TMEM217: variants seen among roughly 807,000 people sequenced by gnomAD.
TMEM217 encodes transmembrane protein 217.
For synonymous variants in TMEM217, 76 were observed against 88.3 expected, an observed-to-expected ratio of 0.86 and a Z score of 0.78; for missense variants, 204 against 248.8, an observed-to-expected ratio of 0.82 and a Z score of 1.21.
chr6:37,241,531 G>T (rs1764769108), intron 1 of TMEM217, among the ~76,000 whole-genome samples: 1 of 152,100 alleles, frequency 6.6e-6, no homozygotes, highest in Non-Finnish European at 1.5e-5. Flanking sequence ...GTGCTGGCAG[G>T]ATCCAAGGTC....
downstream of TMEM217, among the ~76,000 whole-genome samples, chr6:37,217,337 A>G (rs1490535954): frequency 6.6e-6 from 1 of 152,226 alleles, no homozygotes; most frequent in African/African-American, 2.4e-5. Context: ...ACCTGAATGC[A>G]AAGTGATGTC....
intron 1 of TMEM217, among the ~76,000 whole-genome samples, chr6:37,230,819 G>A (rs1764161584): frequency 6.6e-6 from 1 of 151,954 alleles, no homozygotes; most frequent in Non-Finnish European, 1.5e-5. Context: ...CTTTGGACCT[G>A]GGTAAATTGC....
At chr6:37,246,663 G>A (rs1242162511) in intron 1 of TMEM217, among the ~76,000 whole-genome samples, 2 of 152,166 alleles carry the variant, frequency 1.3e-5, no homozygotes, top group African/African-American at 2.4e-5. Flanking sequence ...GGCACTTTGG[G>A]AGGCTGAGGC....
intron 1 of TMEM217, among the ~76,000 whole-genome samples, chr6:37,242,432 C>G (rs1014924093): frequency 6.6e-6 from 1 of 152,198 alleles, no homozygotes; most frequent in Non-Finnish European, 1.5e-5. Context: ...CTTTTCTTTG[C>G]CTTTAAGAGC....
At chr6:37,238,446 T>C (rs1164242008) in intron 1 of TMEM217, among the ~76,000 whole-genome samples, 1 of 152,188 alleles carries the variant, frequency 6.6e-6, no homozygotes, top group Non-Finnish European at 1.5e-5. Flanking sequence ...CTACCAGAAG[T>C]CTGCTTTCTC....
intron 1 of TMEM217, among the ~76,000 whole-genome samples, chr6:37,224,137 C>T (rs1291460390): frequency 6.7e-6 from 1 of 149,976 alleles, no homozygotes; most frequent in Non-Finnish European, 1.5e-5. Flanking sequence ...CAGAGTTTTA[C>T]CATGTTGGCC....
At chr6:37,244,298 C>T (rs1311173861) in intron 1 of TMEM217, among the ~76,000 whole-genome samples, 4 of 152,250 alleles carry the variant, frequency 2.6e-5, no homozygotes, top group African/African-American at 9.6e-5. Context: ...TCAGATTTCT[C>T]TTACTGTCGT....
At chr6:37,231,226 A>ATTTTTTTTT (rs35394043) in intron 1 of TMEM217, among the ~76,000 whole-genome samples, 1 of 87,446 alleles carries the variant, frequency 1.1e-5, no homozygotes, top group Non-Finnish European at 2.2e-5. Flanking sequence ...TGCCTGGCTA[A>ATTTTTTTTT]TTTTTTTTTT....
At chr6:37,214,139 A>G (rs550801316), downstream of TMEM217, among the ~76,000 whole-genome samples, 16 of 152,218 alleles carry the variant, frequency 1.1e-4, no homozygotes, top group Non-Finnish European at 2.4e-4. Context: ...TCACCACTTT[A>G]GCCCTTTTTG....
intron 1 of TMEM217, among the ~76,000 whole-genome samples, chr6:37,245,257 G>A (rs1296264032): frequency 6.6e-6 from 1 of 152,158 alleles, no homozygotes; most frequent in Admixed American, 6.5e-5. Flanking sequence ...CACAGAGCTG[G>A]GTCACTGAAG....
rs1583479170 is a variant in TMEM217 at position 37,243,105 on chromosome 6, C to T, written c.-12+14463G>A. The stretch of plus-strand genomic sequence containing the variant: ...TGTGAACACAGTTGCCCTGCCCCTA[C>T]AAAAAAAAGAGCCCCCTTAAAAAAG... On this transcript the variant is annotated intron_variant, in intron 1 of 1. Transcript: ENST00000357219. 5.3e-5 allele frequency among the ~76,000 whole-genome samples: 8 copies of T among 151,420 alleles called. No individual in the cohort carries two copies. The South Asian group carries it at 1.3e-3, about 24-fold the overall frequency.
chr6:37,252,599 G>A (rs12183959), intron 1 of TMEM217, among the ~76,000 whole-genome samples: 1 of 45,402 alleles, frequency 2.2e-5, no homozygotes, highest in African/African-American at 1.5e-4. Context: ...ATGTGTGTGT[G>A]TGTGTGTGTA....
At chr6:37,233,156 C>A (rs1370638027) in intron 1 of TMEM217, among the ~76,000 whole-genome samples, 2 of 152,108 alleles carry the variant, frequency 1.3e-5, no homozygotes, top group South Asian at 2.1e-4. Flanking sequence ...CTCCCACCCC[C>A]ACCTACTGTT....
At chr6:37,226,655 A>G (rs1283436321) in intron 1 of TMEM217, among the ~76,000 whole-genome samples, 1 of 150,818 alleles carries the variant, frequency 6.6e-6, no homozygotes, top group African/African-American at 2.4e-5. Flanking sequence ...CTCGCCTCCC[A>G]GGTTAAAGCG....
chr6:37,217,248 C>T (rs968130576), downstream of TMEM217, among the ~76,000 whole-genome samples: 2 of 152,142 alleles, frequency 1.3e-5, no homozygotes, highest in African/African-American at 2.4e-5. Flanking sequence ...GAGCCGAGGT[C>T]GCACCATTGC....
At chr6:37,251,351 G>T (rs1208848012) in intron 1 of TMEM217, among the ~76,000 whole-genome samples, 3 of 133,382 alleles carry the variant, frequency 2.2e-5, no homozygotes, top group Non-Finnish European at 5.0e-5. Flanking sequence ...GACTAAGACA[G>T]TTGAGAAACT....
chr6:37,229,807 AAACT>A (rs1341129142), intron 1 of TMEM217, among the ~76,000 whole-genome samples: 13 of 152,186 alleles, frequency 8.5e-5, no homozygotes, highest in Admixed American at 2.6e-4. Flanking sequence ...AAATTACCAC[AAACT>A]GAGTGGTTAC....
At position 37,227,510 on chromosome 6, in the gene TMEM217, G is replaced by A. The variant is rs1277264258; in HGVS notation, c.-11-8469C>T. On this transcript the variant is annotated intron_variant, in intron 1 of 1. Transcript: ENST00000357219. ...CACCCAGGCTGGAGTGTAGTGGCGC[G>A]ATCTTGGCTCACTGCAACCTCCATC... Among the ~76,000 whole-genome samples the A allele has an allele frequency of 3.3e-5, 5 of 152,170 alleles. No homozygotes were observed. The South Asian group carries it at 6.2e-4, about 19-fold the overall frequency.
At position 37,247,480 on chromosome 6, in the gene TMEM217, C is replaced by T. The variant is rs113834237; in HGVS notation, c.-12+10088G>A. 4.3e-3 allele frequency among the ~76,000 whole-genome samples: 651 copies of T among 151,598 alleles called. 1 individual carries two copies. The highest frequency in any genetic ancestry group is 7.3e-3 in the Admixed American group (111 of 15,216). ...TCAGCTCACTGCAACCTCTGCCTCCCGGGTTAAAGCAATTCTACTGCCTCA... is the reference window on the plus strand; with the variant it reads ...TCAGCTCACTGCAACCTCTGCCTCCTGGGTTAAAGCAATTCTACTGCCTCA... On this transcript the variant is annotated intron_variant, in intron 1 of 1. Coordinates refer to ENST00000357219, the Ensembl canonical transcript of TMEM217.
Sources: gnomAD v4.1 joint callset for allele counts (sites outside exome capture counted in the v4.1 genomes callset) on GRCh38, gnomAD v4.1.1 for gene constraint, MANE v1.5 for transcripts, NCBI Gene and HGNC (gene_info 2026-07-23, HGNC 2026-07-21) for gene names.